Variants in TBPL1 observed in about 807,000 individuals in gnomAD.
The protein encoded by TBPL1 is TATA box-binding protein-like 1.
TBPL1 carries 4 observed loss-of-function variants against 22.1 expected under a neutral mutation model. The observed-to-expected ratio is 0.18, with a 90% CI of 0.09 to 0.41. The LOEUF is 0.41. Among genes scored for constraint, TBPL1 ranks in the 10% least tolerant of loss-of-function variants. TBPL1 has a pLI of 1.00. For missense variants in TBPL1, 115 were observed against 222.3 expected (o/e 0.52, Z 3.07); for synonymous variants, 64 against 71.0 (o/e 0.90, Z 0.50).
intron 1 of TBPL1, among the ~76,000 whole-genome samples, chr6:133,956,871 T>G (rs867465891): frequency 6.6e-6 from 1 of 152,216 alleles, no homozygotes; most frequent in Non-Finnish European, 1.5e-5. Context: ...ACTACCACTT[T>G]GGGAAATTTC....
At chr6:133,964,262 G>A (rs557786673) in intron 1 of TBPL1, among the ~76,000 whole-genome samples, 23 of 152,102 alleles carry the variant, frequency 1.5e-4, no homozygotes, top group Admixed American at 9.2e-4. Context: ...TTTGAGTGAC[G>A]CACCCTTCAA....
In TBPL1 at chr6:133,956,246, G is replaced by T. The variant is rs180699278; in HGVS notation, c.-45+2821G>T. 1.8e-3 allele frequency among the ~76,000 whole-genome samples: 275 copies of T among 152,286 alleles called. 1 individual carries two copies. Among genetic ancestry groups the T allele is most frequent in the African/African-American group, 6.1e-3 (254 of 41,556 alleles). ...TTGTCTCTGAGTTAAAATCTCTGGTGTTTTCAAATTTTAGCTGTATTGTGA... is the reference window on the plus strand; with the variant it reads ...TTGTCTCTGAGTTAAAATCTCTGGTTTTTTCAAATTTTAGCTGTATTGTGA... On this transcript the variant is annotated intron_variant, in intron 1 of 6. Coordinates refer to ENST00000237264, the MANE Select transcript of TBPL1 (RefSeq NM_004865.4).
At chr6:133,968,164 T>C (rs1776153775) in intron 1 of TBPL1, among the ~76,000 whole-genome samples, 1 of 152,218 alleles carries the variant, frequency 6.6e-6, no homozygotes, top group Non-Finnish European at 1.5e-5. Context: ...AATTTTTGTA[T>C]TTTTAGTAGG....
intron 1 of TBPL1, among the ~76,000 whole-genome samples, chr6:133,972,891 G>A (rs113595376): frequency 1.2e-3 from 179 of 152,272 alleles, no homozygotes; most frequent in African/African-American, 4.2e-3. Flanking sequence ...TGAGGTACAG[G>A]TGGTATTATC....
At chr6:133,973,816 A>G (rs1776265732) in intron 1 of TBPL1, among the ~76,000 whole-genome samples, 1 of 152,164 alleles carries the variant, frequency 6.6e-6, no homozygotes, top group Non-Finnish European at 1.5e-5. Flanking sequence ...GACAAATCAC[A>G]CTAAGCCATT....
chr6:133,959,443 C>T (rs1271662909), intron 1 of TBPL1, among the ~76,000 whole-genome samples: 1 of 152,134 alleles, frequency 6.6e-6, no homozygotes, highest in Non-Finnish European at 1.5e-5. Context: ...CTGTCTAACA[C>T]ATTGTTAATT....
intron 1 of TBPL1, among the ~76,000 whole-genome samples, chr6:133,973,218 G>C (rs1229187587): frequency 6.6e-6 from 1 of 152,146 alleles, no homozygotes; most frequent in African/African-American, 2.4e-5. Flanking sequence ...TTTTAGAAAA[G>C]AGCTATCTCT....
At chr6:133,968,694 G>A (rs769862963) in intron 1 of TBPL1, among the ~76,000 whole-genome samples, 7 of 152,102 alleles carry the variant, frequency 4.6e-5, no homozygotes, top group Admixed American at 6.5e-5. Flanking sequence ...TTTCTTTTGA[G>A]ATGGAGTCCG....
chr6:133,987,660 A>ATATATATATATATG lies in TBPL1; in HGVS notation c.*627_*628insATATATGTATATAT, dbSNP rs1014795332. The ATATATATATATATG allele has an allele frequency of 4.8e-5, 7 of 145,008 alleles. No homozygotes were observed. The highest frequency in any genetic ancestry group is 7.1e-5 in the Admixed American group (1 of 14,032). The allele number at this position is 145,008 out of a possible 1,614,324, so 9.0% of individuals were successfully genotyped here. A position where few individuals can be genotyped will look rare whatever the true frequency, so the allele number is the denominator to read the frequency against. On this transcript the variant is annotated 3_prime_UTR_variant, in exon 7 of 7. Transcript: ENST00000237264. ...TGTGTGTGTGTGTGTATATATATAT[A>ATATATATATATATG]TATATATGCACCACATGTGTATAGT...
chr6:133,959,917 C>T (rs1473581771), intron 1 of TBPL1, among the ~76,000 whole-genome samples: 1 of 152,134 alleles, frequency 6.6e-6, no homozygotes, highest in Non-Finnish European at 1.5e-5. Context: ...CTGTGGACAA[C>T]ATTTATAGGG....
chr6:133,987,601 T>TGTC lies in TBPL1; in HGVS notation c.*561_*562insGTC, dbSNP rs1776551383. On this transcript the variant is annotated 3_prime_UTR_variant, in exon 7 of 7. Transcript: ENST00000237264. ...AGCTTAAGACTTTGGCTAAAGTGTG[T>TGTC]TGGCTTCTTTTTGAAGTGTATTTTG... The TGTC allele has an allele frequency of 6.6e-6, 1 of 151,240 alleles. No homozygotes were observed. Among genetic ancestry groups the TGTC allele is most frequent in the Non-Finnish European group, 1.5e-5 (1 of 67,748 alleles). 9.4% of individuals were successfully genotyped at this position (151,240 alleles called of 1,614,324 possible).
At chr6:133,982,497 A>G in intron 2 of TBPL1, 71 bp from the exon 3 acceptor site, 11 of 1,330,714 alleles carry the variant, frequency 8.3e-6, no homozygotes, top group Non-Finnish European at 1.0e-5. Flanking sequence ...GGACATTAAT[A>G]TGACTATATA....
rs1228789958 is a variant in TBPL1, at chr6:133,988,651, T to G, written c.*1611T>G. 3.9e-5 allele frequency: 6 copies of G among 152,146 alleles called. No individual in the cohort carries two copies. The highest frequency in any genetic ancestry group is 7.4e-5 in the Non-Finnish European group (5 of 68,016). The allele number at this position is 152,146 out of a possible 1,614,324, so 9.4% of individuals were successfully genotyped here. On this transcript the variant is annotated 3_prime_UTR_variant, in exon 7 of 7. Transcript: ENST00000237264. ...CCCTAACCTCCTGCTTATTCCAAAG[T>G]GGAAAGCAAAGGCTAACTTACATTT...
intron 1 of TBPL1, among the ~76,000 whole-genome samples, chr6:133,959,836 C>A (rs1486186825): frequency 6.6e-6 from 1 of 152,170 alleles, no homozygotes; most frequent in Non-Finnish European, 1.5e-5. Context: ...TGCTGTCTTT[C>A]AGATATGAAC....
intron 1 of TBPL1, among the ~76,000 whole-genome samples, chr6:133,959,924 A>G (rs1366336436): frequency 1.3e-5 from 2 of 152,240 alleles, no homozygotes; most frequent in Non-Finnish European, 2.9e-5. Context: ...CAACATTTAT[A>G]GGGCCTGTTA....
At chr6:133,955,955 A>T (rs1458351761) in intron 1 of TBPL1, among the ~76,000 whole-genome samples, 2 of 152,236 alleles carry the variant, frequency 1.3e-5, no homozygotes, top group African/African-American at 2.4e-5. Context: ...ATGAAGTAGA[A>T]CAAATATTTA....
intron 1 of TBPL1, among the ~76,000 whole-genome samples, chr6:133,975,259 GATT>G (rs1004387467): frequency 3.0e-4 from 45 of 152,116 alleles, no homozygotes; most frequent in African/African-American, 1.1e-3. Flanking sequence ...GACTTTAAAA[GATT>G]ATTAAGACAA....
At chr6:133,985,665 A>T (rs770205604) in intron 6 of TBPL1, among the ~76,000 whole-genome samples, 2 of 152,098 alleles carry the variant, frequency 1.3e-5, no homozygotes, top group Non-Finnish European at 2.9e-5. Flanking sequence ...GGCAAAAAAG[A>T]ATTAAAGAAA....
intron 1 of TBPL1, among the ~76,000 whole-genome samples, chr6:133,970,253 C>T (rs1776195959): frequency 6.6e-6 from 1 of 152,172 alleles, no homozygotes; most frequent in Admixed American, 6.5e-5. Context: ...ACACAGCTCA[C>T]TGTTTTTATA....
Sources: gnomAD v4.1 joint callset for allele counts (sites outside exome capture counted in the v4.1 genomes callset) on GRCh38, gnomAD v4.1.1 for gene constraint, MANE v1.5 for transcripts, NCBI Gene and HGNC (gene_info 2026-07-23, HGNC 2026-07-21) for gene names.